TENM2: variants seen among roughly 807,000 people sequenced by gnomAD.
TENM2 encodes teneurin transmembrane protein 2, also known as teneurin-2.
Under a neutral mutation model 245.2 loss-of-function variants are expected in TENM2, and 52 were observed. That is an observed-to-expected ratio of 0.21 (90% CI 0.17 to 0.27). TENM2 has a LOEUF of 0.27. Ranked by LOEUF, TENM2 falls within the 10% of genes least tolerant of loss-of-function variation. The probability of loss-of-function intolerance (pLI) is 1.00; values close to 1 mark genes in which losing one functional copy is unlikely to be tolerated. For missense variants in TENM2, 3,046 were observed against 3,666.8 expected, an observed-to-expected ratio of 0.83 and a Z score of 4.37; for synonymous variants, 1,363 against 1,438.9, an observed-to-expected ratio of 0.95 and a Z score of 1.19.
chr5:167,833,421 A>G (rs1301465435), intron 2 of TENM2, among the ~76,000 whole-genome samples: 1 of 152,220 alleles, frequency 6.6e-6, no homozygotes, highest in East Asian at 1.9e-4. Context: ...TCAATCTTCC[A>G]GAGCAAAAGG....
chr5:167,718,651 T>C (rs560666082), intron 2 of TENM2, among the ~76,000 whole-genome samples: 1 of 152,290 alleles, frequency 6.6e-6, no homozygotes, highest in South Asian at 2.1e-4. Context: ...GTGGAAAGAA[T>C]ATGGGTTTTG....
chr5:167,561,962 G>A (rs888974), intron 2 of TENM2, among the ~76,000 whole-genome samples: 1 of 151,956 alleles, frequency 6.6e-6, no homozygotes, highest in African/African-American at 2.4e-5. Flanking sequence ...GGCTGGGATA[G>A]TCTCTGTGCC....
chr5:167,130,618 C>T, the TENM2 span, among the ~76,000 whole-genome samples: 1 of 152,224 alleles, frequency 6.6e-6, no homozygotes, highest in Non-Finnish European at 1.5e-5. Context: ...TCCGCCAACA[C>T]AGCCAGAGTT....
At chr5:167,187,625 T>A in the TENM2 span, among the ~76,000 whole-genome samples, 1 of 152,120 alleles carries the variant, frequency 6.6e-6, no homozygotes, top group Non-Finnish European at 1.5e-5. Context: ...ATGATGTGAC[T>A]CTACAGTCCC....
intron 2 of TENM2, among the ~76,000 whole-genome samples, chr5:167,539,243 T>C (rs769141501): frequency 6.6e-6 from 1 of 152,202 alleles, no homozygotes; most frequent in Non-Finnish European, 1.5e-5. Flanking sequence ...ATCAAAATGT[T>C]ACATTTTAAG....
At chr5:167,824,422 C>G (rs1767791537) in intron 2 of TENM2, among the ~76,000 whole-genome samples, 2 of 152,122 alleles carry the variant, frequency 1.3e-5, no homozygotes, top group Admixed American at 1.3e-4. Flanking sequence ...GGGGAGAGAG[C>G]TGGCAACCCT....
At chr5:167,154,116 G>A in the TENM2 span, among the ~76,000 whole-genome samples, 2 of 152,276 alleles carry the variant, frequency 1.3e-5, no homozygotes, top group Admixed American at 6.5e-5. Flanking sequence ...ACCAGAAACA[G>A]CCTACCAATA....
At chr5:168,185,648 TA>T (rs11307340) in intron 13 of TENM2, among the ~76,000 whole-genome samples, 96,805 of 150,102 alleles carry the variant, frequency 0.64, 31,711 homozygotes, top group Middle Eastern at 0.76. Context: ...ATCTTTAAAT[TA>T]AAAAAAAAAA....
intron 6 of TENM2, among the ~76,000 whole-genome samples, chr5:168,058,223 C>T (rs1789726657): frequency 6.6e-6 from 1 of 152,204 alleles, no homozygotes; most frequent in Admixed American, 6.5e-5. Flanking sequence ...TGTTAAGGCT[C>T]TCACTTTACC....
chr5:167,513,270 C>T (rs1330482680), intron 2 of TENM2, among the ~76,000 whole-genome samples: 1 of 152,110 alleles, frequency 6.6e-6, no homozygotes, highest in African/African-American at 2.4e-5. Context: ...TCTTTAAAAT[C>T]TGCTTGCACT....
intron 5 of TENM2, among the ~76,000 whole-genome samples, chr5:168,020,802 A>G (rs1350936571): frequency 1.3e-5 from 2 of 152,084 alleles, no homozygotes; most frequent in Non-Finnish European, 2.9e-5. Context: ...TCTGCCTGAT[A>G]TCGTTAGAAA....
intron 2 of TENM2, among the ~76,000 whole-genome samples, chr5:167,452,948 T>TATTTTTTTTTTAA (rs1554157744): frequency 6.3e-5 from 3 of 47,510 alleles, no homozygotes; most frequent in African/African-American, 2.0e-4. Flanking sequence ...TATATATATA[T>TATTTTTTTTTTAA]ATATATATAT....
rs915705699 is a variant in TENM2 at position 167,668,702 on chromosome 5, C to A, written c.503-207284C>A. Among the ~76,000 whole-genome samples the A allele has an allele frequency of 3.9e-5, 6 of 152,180 alleles. No individual in the cohort carries two copies. In the East Asian group the frequency reaches 9.6e-4, roughly 24 times the overall value. ...AAGCACAGTGGCTCAAAACTGTAAT[C>A]CCAGAACTTTGGGAGGCCAAGGCGG... is the stretch of plus-strand genomic sequence containing the variant. On this transcript the variant is annotated intron_variant, in intron 2 of 28. Coordinates refer to ENST00000518659, the Ensembl canonical transcript of TENM2.
intron 25 of TENM2, among the ~76,000 whole-genome samples, chr5:168,233,592 TA>T (rs1765140110): frequency 6.6e-6 from 1 of 152,208 alleles, no homozygotes; most frequent in South Asian, 2.1e-4. Flanking sequence ...GCATTCAGAC[TA>T]ACTTAGAAGA....
chr5:167,675,946 T>C (rs6885478), intron 2 of TENM2, among the ~76,000 whole-genome samples: 69,076 of 151,872 alleles, frequency 0.45, 19,239 homozygotes, highest in East Asian at 0.94. Context: ...AGTACATGAA[T>C]GTCAAAGATC....
intron 7 of TENM2, among the ~76,000 whole-genome samples, chr5:168,077,222 T>C (rs1791554353): frequency 6.6e-6 from 1 of 152,304 alleles, no homozygotes; most frequent in East Asian, 1.9e-4. Context: ...CACTAAAATT[T>C]CCAAAAGGCA....
chr5:167,608,410 A>G (rs755995301), intron 2 of TENM2, among the ~76,000 whole-genome samples: 5 of 152,192 alleles, frequency 3.3e-5, no homozygotes, highest in Non-Finnish European at 5.9e-5. Context: ...ACCACCAATA[A>G]ACATGAAAAT....
chr5:167,875,934 T>A, intron 2 of TENM2, 52 bp from the exon 5 acceptor site: 1 of 1,250,178 alleles, frequency 8.0e-7, no homozygotes, highest in Non-Finnish European at 1.1e-6. Context: ...TTTCTTGGGG[T>A]GCTCTCGTGA....
chr5:167,605,957 G>A (rs1463538946), intron 2 of TENM2, among the ~76,000 whole-genome samples: 1 of 152,094 alleles, frequency 6.6e-6, no homozygotes. Flanking sequence ...CTTCCTTAGG[G>A]GGCTTCTCAT....
Sources: gnomAD v4.1 joint callset for allele counts (sites outside exome capture counted in the v4.1 genomes callset) on GRCh38, gnomAD v4.1.1 for gene constraint, MANE v1.5 for transcripts, NCBI Gene and HGNC (gene_info 2026-07-23, HGNC 2026-07-21) for gene names.